CDH2: variants seen among roughly 807,000 people sequenced by gnomAD.
CDH2 encodes the protein cadherin 2, also known as cadherin-2.
In CDH2, 17 loss-of-function variants were observed where a neutral mutation model predicts 92.0. The observed-to-expected ratio is 0.18, with a 90% CI of 0.13 to 0.28. The LOEUF is 0.28. Ranked by LOEUF, CDH2 falls within the 10% of genes least tolerant of loss-of-function variation. The probability of loss-of-function intolerance (pLI) is 1.00; values close to 1 mark genes in which losing one functional copy is unlikely to be tolerated. For missense variants in CDH2, 862 were observed against 1,133.1 expected, an observed-to-expected ratio of 0.76 and a Z score of 3.44; for synonymous variants, 419 against 415.9, an observed-to-expected ratio of 1.01 and a Z score of -0.09.
At chr18:28,162,261 C>G (rs1160344057) in intron 1 of CDH2, among the ~76,000 whole-genome samples, 1 of 152,172 alleles carries the variant, frequency 6.6e-6, no homozygotes, top group Non-Finnish European at 1.5e-5. Flanking sequence ...AGCAGGGCCT[C>G]AGGCCCACTA....
At chr18:28,019,523 AAAG>A (rs1486883236) in intron 2 of CDH2, among the ~76,000 whole-genome samples, 2 of 151,984 alleles carry the variant, frequency 1.3e-5, no homozygotes, top group African/African-American at 4.8e-5. Flanking sequence ...TTGAGGGAGG[AAAG>A]AAGGAGGACT....
intron 2 of CDH2, among the ~76,000 whole-genome samples, chr18:28,097,956 T>C (rs1950827503): frequency 6.6e-6 from 1 of 152,194 alleles, no homozygotes; most frequent in African/African-American, 2.4e-5. Context: ...TGAAAGACTA[T>C]AGAGGACTCT....
At chr18:28,057,666 CA>C (rs879732697) in intron 2 of CDH2, among the ~76,000 whole-genome samples, 2,174 of 97,824 alleles carry the variant, frequency 0.022, 40 homozygotes, top group African/African-American at 0.066. Flanking sequence ...GACTCTGTCT[CA>C]AAAAAAAAAA....
intron 7 of CDH2, among the ~76,000 whole-genome samples, chr18:27,999,654 T>TTA (rs141435919): frequency 0.046 from 6,946 of 150,550 alleles, 186 homozygotes; most frequent in South Asian, 0.068. Flanking sequence ...GCTTTTAAAT[T>TTA]TATATATATA....
chr18:28,068,982 T>A (rs2014565541), intron 2 of CDH2, among the ~76,000 whole-genome samples: 1 of 152,192 alleles, frequency 6.6e-6, no homozygotes, highest in African/African-American at 2.4e-5. Flanking sequence ...CACAATGTTG[T>A]CACATATTAT....
In CDH2 at chr18:27,981,977, A is replaced by C. The variant is rs189721866; in HGVS notation, c.2349+967T>G. ...AATATCGCCCATATAATTTCAAGAGAAACTGTATCAGAATAGTTTAGCCTG... is the reference window on the plus strand; with the variant it reads ...AATATCGCCCATATAATTTCAAGAGCAACTGTATCAGAATAGTTTAGCCTG... On this transcript the variant is annotated intron_variant, in intron 14 of 15. Coordinates refer to ENST00000269141, the MANE Select transcript of CDH2 (RefSeq NM_001792.5). Among the ~76,000 whole-genome samples the C allele has an allele frequency of 1.0e-3, 153 of 152,302 alleles. 2 individuals are homozygous for C. The highest frequency in any genetic ancestry group is 3.6e-3 in the African/African-American group (148 of 41,564).
intron 2 of CDH2, among the ~76,000 whole-genome samples, chr18:28,118,722 A>G (rs1266599778): frequency 6.6e-6 from 1 of 152,020 alleles, no homozygotes; most frequent in African/African-American, 2.4e-5. Context: ...CTTAGGCCGT[A>G]TACCTTAGTA....
intron 2 of CDH2, among the ~76,000 whole-genome samples, chr18:28,135,612 C>T (rs568176527): frequency 4.5e-4 from 68 of 152,210 alleles, no homozygotes; most frequent in Non-Finnish European, 2.2e-4. Context: ...CAAAGAGATG[C>T]TTTAATAAAT....
At chr18:28,176,232 G>A (rs1188019074) in intron 1 of CDH2, among the ~76,000 whole-genome samples, 2 of 152,222 alleles carry the variant, frequency 1.3e-5, no homozygotes, top group Non-Finnish European at 2.9e-5. Context: ...GCCGGACAGA[G>A]AAAGGAGCAG....
At chr18:28,117,874 T>A (rs1045958390) in intron 2 of CDH2, among the ~76,000 whole-genome samples, 12 of 152,058 alleles carry the variant, frequency 7.9e-5, no homozygotes, top group Non-Finnish European at 1.8e-4. Flanking sequence ...TCCTAGACTA[T>A]TACTCTTTCT....
intron 2 of CDH2, among the ~76,000 whole-genome samples, chr18:28,093,430 C>T (rs966724172): frequency 6.6e-6 from 1 of 152,018 alleles, no homozygotes. Context: ...TTTTAAAATT[C>T]TGGGAATCAA....
At chr18:28,036,524 A>G in intron 2 of CDH2, 1 of 1,608,018 alleles carries the variant, frequency 6.2e-7, no homozygotes, top group Non-Finnish European at 8.5e-7. Flanking sequence ...GTGAAGATAC[A>G]CACATAACGC....
intron 2 of CDH2, among the ~76,000 whole-genome samples, chr18:28,147,013 T>C (rs1052921580): frequency 6.6e-6 from 1 of 152,174 alleles, no homozygotes; most frequent in Non-Finnish European, 1.5e-5. Flanking sequence ...ACTTAGGTTT[T>C]ATTTCAGATT....
At chr18:28,175,732 T>C (rs1353854987) in intron 1 of CDH2, among the ~76,000 whole-genome samples, 1 of 152,154 alleles carries the variant, frequency 6.6e-6, no homozygotes, top group African/African-American at 2.4e-5. Flanking sequence ...CCGAGCTGCG[T>C]CCGCACTTTT....
At chr18:28,163,525 C>A (rs1439187508) in intron 1 of CDH2, among the ~76,000 whole-genome samples, 1 of 152,212 alleles carries the variant, frequency 6.6e-6, no homozygotes, top group Non-Finnish European at 1.5e-5. Context: ...TTGGGGAACA[C>A]AGCCCTAGAG....
At chr18:28,076,627 A>G (rs996957351) in intron 2 of CDH2, among the ~76,000 whole-genome samples, 2 of 151,738 alleles carry the variant, frequency 1.3e-5, no homozygotes, top group Non-Finnish European at 2.9e-5. Flanking sequence ...TGCCATTTTC[A>G]TGTGCTGCAC....
chr18:28,092,385 T>C (rs1046565656), intron 2 of CDH2, among the ~76,000 whole-genome samples: 6 of 152,160 alleles, frequency 3.9e-5, no homozygotes, highest in Admixed American at 1.3e-4. Context: ...TATAAAATGC[T>C]TATTTATGAA....
intron 2 of CDH2, among the ~76,000 whole-genome samples, chr18:28,050,933 C>G (rs560694591): frequency 1.3e-5 from 2 of 152,132 alleles, no homozygotes; most frequent in Non-Finnish European, 2.9e-5. Context: ...AAGGACTATA[C>G]AAAGGAAAAA....
At chr18:28,018,163 CAA>C (rs368206125) in intron 2 of CDH2, among the ~76,000 whole-genome samples, 26 of 97,140 alleles carry the variant, frequency 2.7e-4, no homozygotes, top group South Asian at 9.2e-4. Flanking sequence ...ACAATAGCTA[CAA>C]AAAAAAAAAA....
Sources: gnomAD v4.1 joint callset for allele counts (sites outside exome capture counted in the v4.1 genomes callset) on GRCh38, gnomAD v4.1.1 for gene constraint, MANE v1.5 for transcripts, NCBI Gene and HGNC (gene_info 2026-07-23, HGNC 2026-07-21) for gene names.